The following GUCY1A2 variants were observed in gnomAD, a reference collection of about 807,000 sequenced individuals.
The protein encoded by GUCY1A2 is guanylate cyclase soluble subunit alpha-2.
In GUCY1A2, 27 loss-of-function variants were observed where a neutral mutation model predicts 63.5. The observed-to-expected ratio is 0.43, with a 90% CI of 0.31 to 0.59. The LOEUF (loss-of-function observed/expected upper bound fraction) is 0.59, where lower values mean the gene tolerates loss of function less well. Ranked by LOEUF, GUCY1A2 falls within the 20% of genes least tolerant of loss-of-function variation. The pLI, the probability that GUCY1A2 is intolerant of heterozygous loss-of-function variation, is 0.11. For missense variants in GUCY1A2, 768 were observed against 913.3 expected (o/e 0.84, Z 2.05); for synonymous variants, 364 against 343.5 (o/e 1.06, Z -0.66).
chr11:106,994,528 T>G (rs569052601), intron 1 of GUCY1A2, among the ~76,000 whole-genome samples: 1 of 152,228 alleles, frequency 6.6e-6, no homozygotes, highest in Non-Finnish European at 1.5e-5. Flanking sequence ...CACCTTCGGT[T>G]TGCATAACAC....
chr11:106,794,539 T>G (rs1281290827), intron 5 of GUCY1A2, among the ~76,000 whole-genome samples: 2 of 152,080 alleles, frequency 1.3e-5, no homozygotes, highest in Non-Finnish European at 2.9e-5. Flanking sequence ...GGTAATTATG[T>G]CTGATAATAG....
At chr11:106,884,528 C>T (rs1411940153) in intron 4 of GUCY1A2, among the ~76,000 whole-genome samples, 2 of 151,724 alleles carry the variant, frequency 1.3e-5, no homozygotes, top group Admixed American at 6.6e-5. Context: ...GAACAAGCCA[C>T]GTGGAAGGCT....
At chr11:106,695,963 T>A (rs1232640161) in intron 7 of GUCY1A2, among the ~76,000 whole-genome samples, 1 of 151,734 alleles carries the variant, frequency 6.6e-6, no homozygotes, top group East Asian at 1.9e-4. Context: ...AGGCAGAGAG[T>A]CTCAGAGGCA....
intron 4 of GUCY1A2, chr11:106,827,790 G>A (rs1858991990): frequency 6.4e-7 from 1 of 1,562,616 alleles, no homozygotes; most frequent in South Asian, 1.1e-5. Flanking sequence ...ATCTTCTGAT[G>A]GAAAGTGAGT....
chr11:106,962,812 T>C (rs1262415740), intron 3 of GUCY1A2, among the ~76,000 whole-genome samples: 1 of 149,934 alleles, frequency 6.7e-6, no homozygotes, highest in Non-Finnish European at 1.5e-5. Context: ...CACATATATG[T>C]ATAATCTGAA....
intron 6 of GUCY1A2, among the ~76,000 whole-genome samples, chr11:106,768,810 G>A (rs1311579468): frequency 6.6e-6 from 1 of 152,152 alleles, no homozygotes; most frequent in African/African-American, 2.4e-5. Context: ...GTAATGGAAA[G>A]GTTGAGAAGC....
At chr11:106,957,929 G>T (rs1861011400) in intron 3 of GUCY1A2, among the ~76,000 whole-genome samples, 1 of 132,468 alleles carries the variant, frequency 7.5e-6, no homozygotes, top group Non-Finnish European at 1.6e-5. Context: ...TGAAATTGAT[G>T]GAAATCTAAA....
At chr11:106,721,065 A>T (rs889037836) in intron 6 of GUCY1A2, among the ~76,000 whole-genome samples, 18 of 145,020 alleles carry the variant, frequency 1.2e-4, no homozygotes, top group African/African-American at 2.1e-4. Context: ...ATATTTGCAA[A>T]TTTTTTTTTT....
chr11:106,777,384 T>C (rs1285605940), intron 5 of GUCY1A2, among the ~76,000 whole-genome samples: 2 of 148,538 alleles, frequency 1.3e-5, no homozygotes, highest in African/African-American at 5.0e-5. Flanking sequence ...TAGGCGGAGG[T>C]TGCAGTGAGC....
intron 4 of GUCY1A2, among the ~76,000 whole-genome samples, chr11:106,907,165 A>T (rs896090769): frequency 6.6e-6 from 1 of 152,050 alleles, no homozygotes; most frequent in Non-Finnish European, 1.5e-5. Flanking sequence ...TGAACCAAAG[A>T]ACTGTTGTTT....
chr11:106,714,073 T>C (rs1808148600), intron 6 of GUCY1A2, among the ~76,000 whole-genome samples: 1 of 151,900 alleles, frequency 6.6e-6, no homozygotes, highest in Non-Finnish European at 1.5e-5. Flanking sequence ...TTGAAAGGCT[T>C]ATCTAGTTCT....
chr11:106,746,784 A>G, intron 6 of GUCY1A2: 1 of 527,110 alleles, frequency 1.9e-6, no homozygotes, highest in South Asian at 2.4e-5. Context: ...CATTGGTGGT[A>G]CAATAAAAAA....
At position 106,674,502 on chromosome 11, in the gene GUCY1A2, C is replaced by A. The variant is rs1196651617; in HGVS notation, c.*13047G>T. On this transcript the variant is annotated 3_prime_UTR_variant, in exon 8 of 8. Coordinates refer to ENST00000526355, the MANE Select transcript of GUCY1A2 (RefSeq NM_000855.3). ...TATTTTAAAATATAATATGAAATAC[C>A]AAATGAAACTTTTTTAAAATTAATG... 1.1e-5 allele frequency: 2 copies of A among 176,060 alleles called. No individual in the cohort carries two copies. Among genetic ancestry groups the A allele is most frequent in the African/African-American group, 4.8e-5 (2 of 41,624 alleles). The allele number at this position is 176,060 out of a possible 1,614,324, so 10.9% of individuals were successfully genotyped here.
chr11:106,731,847 T>C (rs536531703), intron 6 of GUCY1A2, among the ~76,000 whole-genome samples: 9 of 151,990 alleles, frequency 5.9e-5, no homozygotes, highest in African/African-American at 2.2e-4. Context: ...ACCATGGAGG[T>C]AAAAGATCTC....
At chr11:106,977,961 G>A (rs1416080304) in intron 3 of GUCY1A2, among the ~76,000 whole-genome samples, 1 of 152,116 alleles carries the variant, frequency 6.6e-6, no homozygotes, top group Non-Finnish European at 1.5e-5. Context: ...GGAATACAAT[G>A]TAGCTCTCAC....
Position 106,978,730 on chromosome 11 carries a change from C to T in GUCY1A2, c.376G>A (p.Ala126Thr), listed in dbSNP as rs770686572. 6 of 1,594,322 alleles carry T rather than the reference C, an allele frequency of 3.8e-6. No homozygotes were observed. Among genetic ancestry groups the T allele is most frequent in the Non-Finnish European group, 5.1e-6 (6 of 1,172,244 alleles). ...GAGATATTGTGGAAATTCTTTTCTG[C>T]ATCCCTGTAACTAAGAAGAAAACAA... ...YEHQVIGYRDAEKNFHNISNR... is the reference protein window; with the variant it reads ...YEHQVIGYRDTEKNFHNISNR... Residue 126 changes from alanine to threonine, a missense_variant, in exon 3 of 8, where the codon GCA becomes ACA. Physicochemically the swap from Ala to Thr is moderately conservative, Grantham distance 58. Around this residue, in one of 3 missense-constraint regions of GUCY1A2, gnomAD observed 496 missense variants for 486.9 expected, o/e 1.02. Transcript: ENST00000526355.
chr11:106,967,209 A>T (rs1861137294), intron 3 of GUCY1A2, among the ~76,000 whole-genome samples: 1 of 152,160 alleles, frequency 6.6e-6, no homozygotes, highest in East Asian at 1.9e-4. Flanking sequence ...CTTCGCAAAG[A>T]TCCTAAAATG....
intron 5 of GUCY1A2, among the ~76,000 whole-genome samples, chr11:106,800,442 T>C (rs1421188001): frequency 1.3e-5 from 2 of 152,176 alleles, no homozygotes; most frequent in African/African-American, 4.8e-5. Context: ...TGCACACATA[T>C]GTTCATTGCG....
chr11:106,786,270 T>TA (rs1057064066), intron 5 of GUCY1A2, among the ~76,000 whole-genome samples: 1 of 152,108 alleles, frequency 6.6e-6, no homozygotes, highest in Middle Eastern at 3.4e-3. Context: ...ATTCTTTCTT[T>TA]AAAAAAAAAT....
Sources: allele counts gnomAD v4.1 joint callset (sites outside exome capture counted in the v4.1 genomes callset), GRCh38; gene constraint gnomAD v4.1.1; regional missense constraint gnomAD v4.1.1; transcripts MANE v1.5; gene names NCBI Gene and HGNC (gene_info 2026-07-23, HGNC 2026-07-21).